The following DNAJC6 variants were observed in gnomAD, a reference collection of about 807,000 sequenced individuals.
The protein encoded by DNAJC6 is auxilin.
A neutral mutation model predicts 110.0 loss-of-function variants in DNAJC6; 34 were observed. The observed-to-expected ratio is 0.31, with a 90% confidence interval of 0.24 to 0.41. The LOEUF is 0.41. Among genes scored for constraint, DNAJC6 ranks in the 10% least tolerant of loss-of-function variants. The pLI is 1.00. For missense variants in DNAJC6, 1,031 were observed against 1,207.8 expected (o/e 0.85, Z 2.17); for synonymous variants, 406 against 437.2 (o/e 0.93, Z 0.89).
chr1:65,327,730 C>T lies in DNAJC6; in HGVS notation c.193+17792C>T, dbSNP rs144474954. Reference sequence around the variant, plus strand: ...ATTTATAATAGAAAAACACTTGAAACTGCCTAAAATGTCCCAAAATAGAGG... The same window carrying T: ...ATTTATAATAGAAAAACACTTGAAATTGCCTAAAATGTCCCAAAATAGAGG... On this transcript the variant is annotated intron_variant, in intron 1 of 18. Coordinates refer to ENST00000371069, the MANE Select transcript of DNAJC6 (RefSeq NM_001256864.2). Among the ~76,000 whole-genome samples, 14 of 152,218 alleles carry T rather than the reference C, an allele frequency of 9.2e-5. 1 individual carries two copies. In the East Asian group the frequency reaches 2.7e-3, roughly 29 times the overall value.
intron 1 of DNAJC6, among the ~76,000 whole-genome samples, chr1:65,271,387 G>A (rs1424585791): frequency 6.6e-6 from 1 of 152,094 alleles, no homozygotes; most frequent in Non-Finnish European, 1.5e-5. Flanking sequence ...TGTGCCTATT[G>A]ATCAGCATTG....
intron 1 of DNAJC6, among the ~76,000 whole-genome samples, chr1:65,317,780 A>C (rs1043982340): frequency 2.0e-5 from 3 of 152,238 alleles, no homozygotes; most frequent in Admixed American, 2.0e-4. Context: ...GACAAAAGTC[A>C]GGGTGAATAA....
chr1:65,332,079 T>A (rs1645293915), intron 1 of DNAJC6, among the ~76,000 whole-genome samples: 1 of 152,212 alleles, frequency 6.6e-6, no homozygotes, highest in Non-Finnish European at 1.5e-5. Flanking sequence ...CCAGCTTTGC[T>A]GTGTCTGGTT....
intron 1 of DNAJC6, among the ~76,000 whole-genome samples, chr1:65,283,473 T>G (rs1653916698): frequency 6.6e-6 from 1 of 152,202 alleles, no homozygotes; most frequent in South Asian, 2.1e-4. Context: ...ATGTACAACA[T>G]GCACCAACAG....
chr1:65,398,725 G>C, intron 13 of DNAJC6, 88 bp from the exon 14 acceptor site: 3 of 1,376,630 alleles, frequency 2.2e-6, no homozygotes, highest in Non-Finnish European at 3.1e-6. Flanking sequence ...GCAGGCTTCA[G>C]GGATGGAATG....
At chr1:65,344,229 C>T (rs1044186549) in intron 1 of DNAJC6, among the ~76,000 whole-genome samples, 3 of 152,144 alleles carry the variant, frequency 2.0e-5, no homozygotes, top group Non-Finnish European at 4.4e-5. Context: ...GGGGTCCTTA[C>T]AATAATGAAT....
intron 1 of DNAJC6, among the ~76,000 whole-genome samples, chr1:65,335,316 A>T (rs1452177907): frequency 1.3e-5 from 2 of 149,860 alleles, no homozygotes; most frequent in Non-Finnish European, 3.0e-5. Flanking sequence ...GGGTTTCACC[A>T]CGTTAGCCAT....
chr1:65,411,601 G>A (rs968896474), intron 18 of DNAJC6, among the ~76,000 whole-genome samples, 175 bp downstream of exon 18: 3 of 152,102 alleles, frequency 2.0e-5, no homozygotes, highest in African/African-American at 4.8e-5. Context: ...TGAGAAAGAC[G>A]ATATCAAACT....
rs1218009294 is a variant in DNAJC6 at position 65,295,465 on chromosome 1, A to G, written c.-131+30533A>G. On this transcript the variant is annotated intron_variant, in intron 1 of 19. Coordinates refer to the DNAJC6 transcript ENST00000263441. ...AAGCCATGGTTGACCTAGCTTGGTT[A>G]TAGGTACCTATCCCTGGGCTATGGC... Among the ~76,000 whole-genome samples the G allele has an allele frequency of 5.9e-5, 9 of 152,192 alleles. 1 individual carries two copies. The highest frequency in any genetic ancestry group is 5.9e-4 in the Admixed American group (9 of 15,270).
chr1:65,314,338 G>T (rs898276353), intron 1 of DNAJC6, among the ~76,000 whole-genome samples: 5 of 151,990 alleles, frequency 3.3e-5, no homozygotes, highest in Non-Finnish European at 5.9e-5. Flanking sequence ...TTTGAACCAG[G>T]TTTCAACATT....
intron 1 of DNAJC6, among the ~76,000 whole-genome samples, chr1:65,348,000 G>A (rs1217398557): frequency 1.3e-5 from 2 of 152,144 alleles, no homozygotes; most frequent in Admixed American, 1.3e-4. Flanking sequence ...ACTAAGGATG[G>A]CATTTTCTGG....
At chr1:65,316,749 A>G (rs1274850194) in intron 1 of DNAJC6, among the ~76,000 whole-genome samples, 1 of 152,238 alleles carries the variant, frequency 6.6e-6, no homozygotes, top group Non-Finnish European at 1.5e-5. Flanking sequence ...CCAATTCAGT[A>G]ATGAGCATTT....
intron 16 of DNAJC6, among the ~76,000 whole-genome samples, chr1:65,407,484 A>G (rs61781408): frequency 0.18 from 28,069 of 152,216 alleles, 3,092 homozygotes; most frequent in African/African-American, 0.31. Flanking sequence ...AACCCTGGCA[A>G]TCTGGCTCCA....
intron 1 of DNAJC6, among the ~76,000 whole-genome samples, chr1:65,272,694 G>T (rs1217425647): frequency 4.6e-5 from 3 of 65,412 alleles, no homozygotes; most frequent in Non-Finnish European, 7.8e-5. Context: ...ATGTTTTTTT[G>T]TTTGTTTGTT....
At chr1:65,325,298 G>T (rs1005648041) in intron 1 of DNAJC6, among the ~76,000 whole-genome samples, 1 of 152,164 alleles carries the variant, frequency 6.6e-6, no homozygotes, top group Non-Finnish European at 1.5e-5. Context: ...AAAAGGAAAA[G>T]AAACAAAAGC....
At chr1:65,379,086 G>A (rs1299195867) in intron 4 of DNAJC6, among the ~76,000 whole-genome samples, 1 of 152,118 alleles carries the variant, frequency 6.6e-6, no homozygotes, top group Non-Finnish European at 1.5e-5. Flanking sequence ...AACATTTTAT[G>A]CTTAATAGAA....
At position 65,389,374 on chromosome 1, in the gene DNAJC6, T is replaced by C. The variant is rs1480507026; in HGVS notation, c.1312T>C (p.Tyr438His). The C allele has an allele frequency of 1.2e-6, 2 of 1,614,140 alleles. No homozygotes were observed. Among genetic ancestry groups the C allele is most frequent in the Admixed American group, 1.7e-5 (1 of 60,026 alleles). ...VIDLTPPWEH[Y>H]CTKDVNPSIL... ...AGACTTAACTCCACCATGGGAACAT[T>C]ACTGCACAAAAGATGTCAATCCCAG... Residue 438 changes from tyrosine to histidine, a missense_variant, in exon 10 of 19, where the codon TAC becomes CAC. Coordinates refer to ENST00000371069, the MANE Select transcript of DNAJC6 (RefSeq NM_001256864.2).
intron 16 of DNAJC6, among the ~76,000 whole-genome samples, chr1:65,407,709 T>C (rs970331357): frequency 1.3e-5 from 2 of 152,220 alleles, no homozygotes; most frequent in South Asian, 2.1e-4. Flanking sequence ...CAAATACTTA[T>C]GGAGCATCTT....
At chr1:65,364,913 T>A in intron 2 of DNAJC6, 128 bp downstream of exon 2, 1 of 1,305,666 alleles carries the variant, frequency 7.7e-7, no homozygotes, top group Non-Finnish European at 1.1e-6. Context: ...TCTGATGAAC[T>A]GAGAAATGTC....
Sources: allele counts gnomAD v4.1 joint callset (sites outside exome capture counted in the v4.1 genomes callset), GRCh38; gene constraint gnomAD v4.1.1; transcripts MANE v1.5; gene names NCBI Gene and HGNC (gene_info 2026-07-23, HGNC 2026-07-21).